Variants in PCCA observed in about 807,000 individuals in gnomAD.
The protein encoded by PCCA is propionyl-CoA carboxylase alpha chain, mitochondrial.
PCCA carries 74 observed loss-of-function variants against 101.3 expected under a neutral mutation model. That is an observed-to-expected ratio of 0.73 (90% CI 0.61 to 0.89). The LOEUF (loss-of-function observed/expected upper bound fraction) is 0.89, where lower values mean the gene tolerates loss of function less well. PCCA is among the 40% of genes least tolerant of loss of function. The pLI, the probability that PCCA is intolerant of heterozygous loss-of-function variation, is 0.00. For synonymous variants in PCCA, 294 were observed against 313.6 expected, an observed-to-expected ratio of 0.94 and a Z score of 0.66; for missense variants, 891 against 907.0, an observed-to-expected ratio of 0.98 and a Z score of 0.23.
chr13:100,166,049 A>C (rs1359135820), intron 6 of PCCA, among the ~76,000 whole-genome samples: 1 of 152,326 alleles, frequency 6.6e-6, no homozygotes, highest in East Asian at 1.9e-4. Flanking sequence ...ATGAAATCAT[A>C]ATCACAATCA....
At chr13:100,312,925 A>G (rs1469030612) in intron 16 of PCCA, among the ~76,000 whole-genome samples, 2 of 152,184 alleles carry the variant, frequency 1.3e-5, no homozygotes. Flanking sequence ...TTTAAGCTCA[A>G]AGGATTTATG....
chr13:100,320,698 T>C (rs1052026632), intron 16 of PCCA, among the ~76,000 whole-genome samples: 1 of 152,174 alleles, frequency 6.6e-6, no homozygotes, highest in Admixed American at 6.5e-5. Flanking sequence ...GTGGATAAGC[T>C]TTTTGATGTG....
intron 13 of PCCA, among the ~76,000 whole-genome samples, chr13:100,302,026 A>G (rs2066100015): frequency 6.6e-6 from 1 of 152,200 alleles, no homozygotes; most frequent in African/African-American, 2.4e-5. Context: ...ATTTACTTAA[A>G]ATTTTTCCCA....
intron 21 of PCCA, among the ~76,000 whole-genome samples, chr13:100,476,555 T>G (rs938252642): frequency 3.3e-5 from 5 of 152,206 alleles, no homozygotes; most frequent in African/African-American, 1.2e-4. Flanking sequence ...CCCCCCACCC[T>G]TAGTTTGCAT....
At chr13:100,184,991 G>A (rs923324118) in intron 6 of PCCA, among the ~76,000 whole-genome samples, 2 of 152,082 alleles carry the variant, frequency 1.3e-5, no homozygotes, top group Admixed American at 1.3e-4. Context: ...TAGTGAAATA[G>A]GACATATATA....
intron 21 of PCCA, among the ~76,000 whole-genome samples, chr13:100,514,106 AGCAAAAAGCTTTTATTT>A (rs2086668104): frequency 6.6e-6 from 1 of 152,190 alleles, no homozygotes; most frequent in Non-Finnish European, 1.5e-5. Flanking sequence ...TTTTAATAGG[AGCAAAAAGCTTTTATTT>A]GCACTGTAAT....
chr13:100,466,793 G>A (rs894102038), intron 21 of PCCA, among the ~76,000 whole-genome samples: 1 of 152,140 alleles, frequency 6.6e-6, no homozygotes, highest in Non-Finnish European at 1.5e-5. Flanking sequence ...AGGAGGCGGG[G>A]GTTGCAGTGA....
At chr13:100,140,783 A>G (rs975801882) in intron 4 of PCCA, among the ~76,000 whole-genome samples, 1 of 152,164 alleles carries the variant, frequency 6.6e-6, no homozygotes, top group African/African-American at 2.4e-5. Flanking sequence ...TGCAGTTAGA[A>G]TGGCCAGGGG....
intron 6 of PCCA, among the ~76,000 whole-genome samples, chr13:100,189,463 ATTTG>A (rs2057581528): frequency 6.6e-6 from 1 of 151,826 alleles, no homozygotes; most frequent in South Asian, 2.1e-4. Flanking sequence ...TTTATTGCTG[ATTTG>A]TTTGAGTTCG....
intron 22 of PCCA, among the ~76,000 whole-genome samples, chr13:100,526,462 A>G (rs1438232407): frequency 1.3e-5 from 2 of 152,250 alleles, no homozygotes; most frequent in Admixed American, 6.5e-5. Context: ...AAAAGAGTAC[A>G]TCGGCTCAGG....
At chr13:100,159,755 C>T (rs945073913) in intron 6 of PCCA, among the ~76,000 whole-genome samples, 2 of 152,180 alleles carry the variant, frequency 1.3e-5, no homozygotes, top group South Asian at 2.1e-4. Context: ...CCTGACTGTG[C>T]GCTGCTCCCA....
chr13:100,105,327 A>G (rs889764371), intron 2 of PCCA, among the ~76,000 whole-genome samples: 4 of 152,296 alleles, frequency 2.6e-5, no homozygotes, highest in Admixed American at 2.6e-4. Flanking sequence ...AATCTTCATC[A>G]TAGGTGATAT....
At chr13:100,455,699 G>A (rs535032398) in intron 21 of PCCA, among the ~76,000 whole-genome samples, 6 of 151,928 alleles carry the variant, frequency 3.9e-5, no homozygotes, top group South Asian at 2.1e-4. Flanking sequence ...ATATGCAATC[G>A]TTTCTTTCTT....
intron 6 of PCCA, among the ~76,000 whole-genome samples, chr13:100,158,593 C>A (rs562078628): frequency 6.6e-6 from 1 of 151,962 alleles, no homozygotes; most frequent in African/African-American, 2.4e-5. Context: ...GGAATTTTGA[C>A]CAAGATTCTG....
chr13:100,154,962 G>C lies in PCCA; in HGVS notation c.301-17G>C. The C allele has an allele frequency of 6.3e-7, 1 of 1,577,328 alleles. No individual in the cohort carries two copies. On this transcript the variant is annotated splice_polypyrimidine_tract_variant and intron_variant, in intron 4 of 23. Transcript: ENST00000376285. ...TTTGCTGGGCGCATCTGTTAATGCA[G>C]AAATTTGTCTCCTCAGGTTCATGTG...
At chr13:100,103,080 C>T in intron 2 of PCCA, 120 bp downstream of exon 2, 1 of 714,788 alleles carries the variant, frequency 1.4e-6, no homozygotes, top group South Asian at 1.5e-5. Flanking sequence ...GGTCATTGAT[C>T]ACTCTAGCAT....
chr13:100,113,873 C>T (rs2048553821), intron 4 of PCCA, among the ~76,000 whole-genome samples: 1 of 151,952 alleles, frequency 6.6e-6, no homozygotes, highest in Admixed American at 6.6e-5. Flanking sequence ...GCCACCACGC[C>T]CGGTTTACTC....
chr13:100,353,819 G>A (rs1226099673), intron 18 of PCCA, among the ~76,000 whole-genome samples: 2 of 152,022 alleles, frequency 1.3e-5, no homozygotes, highest in Admixed American at 1.3e-4. Context: ...TGCGCATGGT[G>A]GCACGTGCCT....
chr13:100,324,652 G>A (rs983966303), intron 16 of PCCA, among the ~76,000 whole-genome samples: 1 of 152,078 alleles, frequency 6.6e-6, no homozygotes, highest in Non-Finnish European at 1.5e-5. Flanking sequence ...AGAGAGAAAT[G>A]TACACAAACA....
Sources: gnomAD v4.1 joint callset for allele counts (sites outside exome capture counted in the v4.1 genomes callset) on GRCh38, gnomAD v4.1.1 for gene constraint, MANE v1.5 for transcripts, NCBI Gene and HGNC (gene_info 2026-07-23, HGNC 2026-07-21) for gene names.